Variants in SLC25A21 observed in about 807,000 individuals in gnomAD.
The protein encoded by SLC25A21 is mitochondrial 2-oxodicarboxylate carrier.
SLC25A21 carries 47 observed loss-of-function variants against 43.8 expected under a neutral mutation model. That is an observed-to-expected ratio of 1.07 (90% CI 0.85 to 1.37). The LOEUF (loss-of-function observed/expected upper bound fraction) is 1.37, where lower values mean the gene tolerates loss of function less well. Among genes scored for constraint, SLC25A21 ranks in the 40% most tolerant of loss-of-function variants. SLC25A21 has a pLI of 0.00. For missense variants in SLC25A21, 352 were observed against 350.2 expected (o/e 1.00, Z -0.04); for synonymous variants, 131 against 121.3 (o/e 1.08, Z -0.52).
At chr14:36,817,197 A>G (rs1888486199) in intron 2 of SLC25A21, among the ~76,000 whole-genome samples, 1 of 149,650 alleles carries the variant, frequency 6.7e-6, no homozygotes, top group Admixed American at 6.7e-5. Context: ...AACCTCAAGA[A>G]GCACAAGAAA....
intron 1 of SLC25A21, among the ~76,000 whole-genome samples, chr14:36,977,269 T>C (rs1006434243): frequency 6.6e-6 from 1 of 152,192 alleles, no homozygotes; most frequent in Non-Finnish European, 1.5e-5. Flanking sequence ...CCTTTTTCTA[T>C]GAACACTTCC....
At chr14:37,154,077 C>T (rs1963804988) in intron 1 of SLC25A21, among the ~76,000 whole-genome samples, 1 of 152,210 alleles carries the variant, frequency 6.6e-6, no homozygotes, top group Non-Finnish European at 1.5e-5. Context: ...AAAATCAGAC[C>T]TCTAGTAACC....
At chr14:36,993,974 A>G (rs1007091540) in intron 1 of SLC25A21, among the ~76,000 whole-genome samples, 2 of 152,212 alleles carry the variant, frequency 1.3e-5, no homozygotes, top group Admixed American at 6.5e-5. Flanking sequence ...TTGTGTTGGT[A>G]AAGAGAGGAG....
At chr14:36,884,808 C>A (rs1890866679) in intron 1 of SLC25A21, among the ~76,000 whole-genome samples, 1 of 152,122 alleles carries the variant, frequency 6.6e-6, no homozygotes, top group Non-Finnish European at 1.5e-5. Context: ...GTCCCTTGCT[C>A]ATTTTTAATG....
At chr14:36,887,150 T>A (rs1006733196) in intron 1 of SLC25A21, among the ~76,000 whole-genome samples, 1 of 152,028 alleles carries the variant, frequency 6.6e-6, no homozygotes, top group Non-Finnish European at 1.5e-5. Context: ...CATATTCATA[T>A]ATATTACATA....
chr14:36,917,684 G>T (rs1304154626), intron 1 of SLC25A21, among the ~76,000 whole-genome samples: 6 of 151,682 alleles, frequency 4.0e-5, no homozygotes, highest in African/African-American at 1.2e-4. Flanking sequence ...AAAGTCAATT[G>T]CTGGCATCTA....
chr14:37,080,773 T>G (rs1052608304), intron 1 of SLC25A21, among the ~76,000 whole-genome samples: 1 of 152,156 alleles, frequency 6.6e-6, no homozygotes, highest in Non-Finnish European at 1.5e-5. Context: ...AGAGGCAATA[T>G]GAGATTCCAG....
chr14:37,082,271 A>G (rs1009248992), intron 1 of SLC25A21, among the ~76,000 whole-genome samples: 3 of 152,190 alleles, frequency 2.0e-5, no homozygotes, highest in African/African-American at 7.2e-5. Flanking sequence ...ACTACCCATA[A>G]GGTACTGTGT....
Position 36,960,042 on chromosome 14 carries a change from G to A in SLC25A21, c.71-85038C>T, listed in dbSNP as rs113824773. 1.9e-3 allele frequency among the ~76,000 whole-genome samples: 286 copies of A among 152,224 alleles called. 3 individuals are homozygous for A. The highest frequency in any genetic ancestry group is 6.3e-3 in the African/African-American group (263 of 41,536). ...AGGACTGTTCCCCATAAAATGAGAT[G>A]AGGTGGGCATGAAACCCACAAAAGC... is the stretch of plus-strand genomic sequence containing the variant. On this transcript the variant is annotated intron_variant, in intron 1 of 9. Transcript: ENST00000331299.
chr14:37,162,452 C>A (rs1215570286), intron 1 of SLC25A21, among the ~76,000 whole-genome samples: 2 of 58,732 alleles, frequency 3.4e-5, no homozygotes, highest in Non-Finnish European at 4.1e-5. Context: ...AAGAAAAAAA[C>A]AAACAACCCC....
intron 1 of SLC25A21, among the ~76,000 whole-genome samples, chr14:36,948,429 T>C (rs1160055434): frequency 1.3e-5 from 2 of 152,082 alleles, no homozygotes; most frequent in Non-Finnish European, 2.9e-5. Context: ...GCTAACAAGT[T>C]TGCACTCAGA....
intron 3 of SLC25A21, among the ~76,000 whole-genome samples, chr14:36,780,923 C>T (rs1178211322): frequency 6.6e-6 from 1 of 152,056 alleles, no homozygotes; most frequent in Admixed American, 6.6e-5. Flanking sequence ...AAGTGGAGTA[C>T]TGAAGTCCCC....
At chr14:36,701,384 T>C (rs1883270287) in intron 7 of SLC25A21, among the ~76,000 whole-genome samples, 1 of 152,196 alleles carries the variant, frequency 6.6e-6, no homozygotes, top group Non-Finnish European at 1.5e-5. Context: ...GAATGTGGAG[T>C]ATTCCTAAGA....
chr14:37,131,502 A>G (rs951159737), intron 1 of SLC25A21, among the ~76,000 whole-genome samples: 7 of 152,350 alleles, frequency 4.6e-5, no homozygotes, highest in Admixed American at 1.3e-4. Flanking sequence ...TGCACTGGCC[A>G]TTGTGGCAAG....
At chr14:37,134,369 T>C (rs1010042339) in intron 1 of SLC25A21, among the ~76,000 whole-genome samples, 4 of 152,122 alleles carry the variant, frequency 2.6e-5, no homozygotes, top group Admixed American at 6.5e-5. Context: ...CTAAGTAAAA[T>C]AATTATCCTT....
chr14:37,089,364 T>A (rs893210641), intron 1 of SLC25A21, among the ~76,000 whole-genome samples: 1 of 152,304 alleles, frequency 6.6e-6, no homozygotes, highest in African/African-American at 2.4e-5. Flanking sequence ...GCAACTCAGA[T>A]AGGAAGTTAC....
intron 1 of SLC25A21, among the ~76,000 whole-genome samples, chr14:37,134,069 GATCATCTA>G (rs1963436829): frequency 6.6e-6 from 1 of 152,134 alleles, no homozygotes; most frequent in Admixed American, 6.5e-5. Flanking sequence ...TAGCTATTGA[GATCATCTA>G]ATCAAAAAGC....
intron 1 of SLC25A21, among the ~76,000 whole-genome samples, chr14:36,910,740 C>G (rs533559433): frequency 6.6e-6 from 1 of 152,270 alleles, no homozygotes; most frequent in South Asian, 2.1e-4. Context: ...GCTAAGCATT[C>G]ATTAGTGGCT....
intron 3 of SLC25A21, among the ~76,000 whole-genome samples, chr14:36,747,050 A>G (rs1443921520): frequency 6.6e-6 from 1 of 152,120 alleles, no homozygotes; most frequent in Non-Finnish European, 1.5e-5. Flanking sequence ...TACATCAACA[A>G]ATATATATAA....
Sources: gnomAD v4.1 joint callset for allele counts (sites outside exome capture counted in the v4.1 genomes callset) on GRCh38, gnomAD v4.1.1 for gene constraint, MANE v1.5 for transcripts, NCBI Gene and HGNC (gene_info 2026-07-23, HGNC 2026-07-21) for gene names.